Variants in FAT3 observed in about 807,000 individuals in gnomAD.
FAT3 encodes protocadherin Fat 3.
FAT3 carries 95 observed loss-of-function variants against 310.2 expected under a neutral mutation model. The observed-to-expected ratio is 0.31, with a 90% CI of 0.26 to 0.36. The LOEUF (loss-of-function observed/expected upper bound fraction) is 0.36. Among genes scored for constraint, FAT3 ranks in the 10% least tolerant of loss-of-function variants. The pLI is 1.00. For synonymous variants in FAT3, 2,314 were observed against 2,192.9 expected, an observed-to-expected ratio of 1.06 and a Z score of -1.54; for missense variants, 5,408 against 5,715.6, an observed-to-expected ratio of 0.95 and a Z score of 1.74.
At chr11:92,509,508 A>T (rs890670609) in intron 2 of FAT3, among the ~76,000 whole-genome samples, 1 of 152,212 alleles carries the variant, frequency 6.6e-6, no homozygotes, top group Non-Finnish European at 1.5e-5. Flanking sequence ...TGAATATTTC[A>T]GCCAATATTT....
At chr11:92,872,062 G>C (rs1008786350) in intron 22 of FAT3, among the ~76,000 whole-genome samples, 1 of 152,130 alleles carries the variant, frequency 6.6e-6, no homozygotes, top group Non-Finnish European at 1.5e-5. Flanking sequence ...AATAGTGTCT[G>C]CCACTCCCTC....
chr11:92,539,463 G>A (rs1343743012), intron 3 of FAT3, among the ~76,000 whole-genome samples: 2 of 152,114 alleles, frequency 1.3e-5, no homozygotes, highest in Non-Finnish European at 2.9e-5. Context: ...GCTAGTAAAT[G>A]ACTTAAATTA....
chr11:92,774,091 G>T lies in FAT3; in HGVS notation c.4246G>T (p.Val1416Phe). The part of the protein sequence containing the change: ...FDAEKGVGTI[V>F]IAKPLDAEQR... ...TGCAGAGAAGGGTGTTGGGACAATT[G>T]TCATCGCAAAACCTTTGGATGCAGA... is the stretch of plus-strand genomic sequence containing the variant. The change falls in exon 7 of 28, where the codon GTC (valine) becomes TTC (phenylalanine). Residue 1416 changes from valine (V) to phenylalanine (F), a missense_variant. This residue lies in a region of FAT3 where 4,588 missense variants were observed against 4,809.8 expected (regional missense o/e 0.95). Transcript: ENST00000525166. 1 of 1,613,706 alleles carries T rather than the reference G, an allele frequency of 6.2e-7. No homozygotes were observed. Among genetic ancestry groups the T allele is most frequent in the Non-Finnish European group, 8.5e-7 (1 of 1,179,708 alleles).
At chr11:92,749,723 A>G (rs1377687431) in intron 4 of FAT3, among the ~76,000 whole-genome samples, 1 of 152,202 alleles carries the variant, frequency 6.6e-6, no homozygotes, top group Non-Finnish European at 1.5e-5. Context: ...AAGCACACAT[A>G]ACTGGTGATT....
At chr11:92,840,781 C>G in intron 18 of FAT3, 22 bp downstream of exon 18, 1 of 1,513,048 alleles carries the variant, frequency 6.6e-7, no homozygotes, top group Non-Finnish European at 9.0e-7. Context: ...CACTCTGTCT[C>G]CGTCGTGCTG....
chr11:92,700,781 C>G (rs113548560), intron 4 of FAT3, among the ~76,000 whole-genome samples: 2 of 152,134 alleles, frequency 1.3e-5, no homozygotes, highest in African/African-American at 4.8e-5. Context: ...TCTCTCTCTC[C>G]CTTTGTCCTC....
In FAT3 at chr11:92,753,798, G is replaced by GTGTGTGTGTATATATATATATATATATA; in HGVS notation, c.3670-8057_3670-8056insGTGTGTGTATATATATATATATATATAT. On this transcript the variant is annotated intron_variant, in intron 4 of 27. Transcript: ENST00000525166. ...GGTGTGTGTGTGTGTGTGTGTGTGT[G>GTGTGTGTGTATATATATATATATATATA]TATATATATATGGTGGAATACTACT... 1.4e-3 allele frequency among the ~76,000 whole-genome samples: 172 copies of GTGTGTGTGTATATATATATATATATATA among 119,112 alleles called. 2 individuals are homozygous for GTGTGTGTGTATATATATATATATATATA. Among genetic ancestry groups the GTGTGTGTGTATATATATATATATATATA allele is most frequent in the African/African-American group, 6.0e-3 (154 of 25,686 alleles). 78.1% of individuals were successfully genotyped at this position (119,112 alleles called of 152,430 possible). A position where few individuals can be genotyped will look rare whatever the true frequency, so the allele number is the denominator to read the frequency against.
intron 3 of FAT3, among the ~76,000 whole-genome samples, chr11:92,593,313 T>C (rs1939533074): frequency 6.6e-6 from 1 of 152,156 alleles, no homozygotes; most frequent in African/African-American, 2.4e-5. Context: ...CTTTTGGGCA[T>C]ATACCCAGAG....
At chr11:92,740,108 T>C (rs1945463999) in intron 4 of FAT3, among the ~76,000 whole-genome samples, 1 of 152,172 alleles carries the variant, frequency 6.6e-6, no homozygotes. Context: ...TTAACTTTGA[T>C]CATGATAATA....
intron 13 of FAT3, among the ~76,000 whole-genome samples, chr11:92,825,033 A>G (rs1426882852): frequency 6.6e-6 from 1 of 152,210 alleles, no homozygotes; most frequent in Non-Finnish European, 1.5e-5. Flanking sequence ...TTGTGTATGT[A>G]TATGAATGTT....
chr11:92,893,030 C>T lies in FAT3; in HGVS notation c.*1917C>T, dbSNP rs1949950098. The T allele has an allele frequency of 6.6e-6, 1 of 152,202 alleles. No homozygotes were observed. The highest frequency in any genetic ancestry group is 6.5e-5 in the Admixed American group (1 of 15,270). 9.4% of individuals were successfully genotyped at this position (152,202 alleles called of 1,614,324 possible). A position where few individuals can be genotyped will look rare whatever the true frequency, so the allele number is the denominator to read the frequency against. Reference sequence around the variant, plus strand: ...AATCTGTGTCCACAGTTTCTGATGACATATGGCATTGGTGTGTAAATTGTA... The same window carrying T: ...AATCTGTGTCCACAGTTTCTGATGATATATGGCATTGGTGTGTAAATTGTA... On this transcript the variant is annotated 3_prime_UTR_variant, in exon 28 of 28. Coordinates refer to ENST00000525166, the MANE Select transcript of FAT3 (RefSeq NM_001367949.2).
intron 4 of FAT3, among the ~76,000 whole-genome samples, chr11:92,723,747 C>T (rs1944926433): frequency 6.6e-6 from 1 of 152,130 alleles, no homozygotes; most frequent in South Asian, 2.1e-4. Flanking sequence ...GAGAAGGGAG[C>T]TTGTGCAGGG....
intron 2 of FAT3, among the ~76,000 whole-genome samples, chr11:92,501,418 G>C (rs972977806): frequency 1.4e-4 from 21 of 152,056 alleles, no homozygotes; most frequent in African/African-American, 5.1e-4. Flanking sequence ...ATACTACTGG[G>C]AAATCATGTT....
chr11:92,607,679 A>G (rs1173613208), intron 3 of FAT3, among the ~76,000 whole-genome samples: 1 of 152,236 alleles, frequency 6.6e-6, no homozygotes, highest in Non-Finnish European at 1.5e-5. Flanking sequence ...TGTGAATACC[A>G]TGTAATTAAA....
At chr11:92,457,790 C>T (rs533808611) in intron 2 of FAT3, among the ~76,000 whole-genome samples, 5 of 152,074 alleles carry the variant, frequency 3.3e-5, no homozygotes, top group Admixed American at 6.5e-5. Flanking sequence ...GGTACGGTGG[C>T]GTGCACCTGT....
At chr11:92,757,561 T>C (rs75635275) in intron 4 of FAT3, among the ~76,000 whole-genome samples, 2,038 of 152,318 alleles carry the variant, frequency 0.013, 27 homozygotes, top group Middle Eastern at 0.051. Context: ...TAACGTATTA[T>C]GAAGTCTGAA....
chr11:92,438,663 G>T (rs1008509339), intron 2 of FAT3, among the ~76,000 whole-genome samples: 7 of 152,112 alleles, frequency 4.6e-5, no homozygotes, highest in Admixed American at 4.6e-4. Flanking sequence ...TTGAGACTAG[G>T]ATATTATTGC....
Position 92,753,151 on chromosome 11 carries a change from G to T in FAT3, c.3670-8705G>T, listed in dbSNP as rs555205043. On this transcript the variant is annotated intron_variant, in intron 4 of 27. Transcript: ENST00000525166. Reference sequence around the variant, plus strand: ...GTCAGTAGAATGTGGTACAAGTGATGCTGTGCCAGTTTTTGAGCCAAGGCC... The same window carrying T: ...GTCAGTAGAATGTGGTACAAGTGATTCTGTGCCAGTTTTTGAGCCAAGGCC... Among the ~76,000 whole-genome samples, 96 of 152,228 alleles carry T rather than the reference G, an allele frequency of 6.3e-4. 1 individual carries two copies. Among genetic ancestry groups the T allele is most frequent in the Admixed American group, 1.8e-3 (27 of 15,300 alleles).
intron 1 of FAT3, among the ~76,000 whole-genome samples, chr11:92,225,566 C>A (rs1165544048): frequency 6.6e-6 from 1 of 152,134 alleles, no homozygotes; most frequent in Non-Finnish European, 1.5e-5. Context: ...GCCTGCTTGG[C>A]AGCCGGTGCC....
Sources: gnomAD v4.1 joint callset for allele counts (sites outside exome capture counted in the v4.1 genomes callset) on GRCh38, gnomAD v4.1.1 for gene constraint, gnomAD v4.1.1 regional missense constraint, MANE v1.5 for transcripts, NCBI Gene and HGNC (gene_info 2026-07-23, HGNC 2026-07-21) for gene names.